The following LRFN2 variants were observed in gnomAD, a reference collection of about 807,000 sequenced individuals.
LRFN2 encodes the protein leucine rich repeat and fibronectin type III domain containing 2.
In LRFN2, 18 loss-of-function variants were observed where a neutral mutation model predicts 37.3. That is an observed-to-expected ratio of 0.48 (90% CI 0.33 to 0.72). The LOEUF is 0.72. Ranked by LOEUF, LRFN2 falls within the 30% of genes least tolerant of loss-of-function variation. The pLI is 0.02. For synonymous variants in LRFN2, 556 were observed against 466.6 expected (o/e 1.19, Z -2.47); for missense variants, 1,006 against 1,060.7 (o/e 0.95, Z 0.72).
intron 1 of LRFN2, among the ~76,000 whole-genome samples, chr6:40,481,330 G>C (rs1210587439): frequency 6.6e-6 from 1 of 151,618 alleles, no homozygotes; most frequent in Non-Finnish European, 1.5e-5. Flanking sequence ...AGCTACTCAG[G>C]AGGCTGAGGC....
intron 1 of LRFN2, among the ~76,000 whole-genome samples, chr6:40,562,689 T>A (rs931548665): frequency 6.6e-6 from 1 of 151,998 alleles, no homozygotes. Context: ...CACACACACA[T>A]ATTAATCAGC....
intron 1 of LRFN2, among the ~76,000 whole-genome samples, chr6:40,470,655 C>T (rs1056225776): frequency 6.6e-6 from 1 of 152,080 alleles, no homozygotes; most frequent in South Asian, 2.1e-4. Flanking sequence ...CAGAGGAATT[C>T]CCCGATGGAA....
At chr6:40,469,422 A>G (rs1331277173) in intron 1 of LRFN2, among the ~76,000 whole-genome samples, 1 of 152,184 alleles carries the variant, frequency 6.6e-6, no homozygotes, top group Non-Finnish European at 1.5e-5. Context: ...GAAACCTCCT[A>G]TCCTGGGCTA....
intron 1 of LRFN2, among the ~76,000 whole-genome samples, chr6:40,460,654 AG>A (rs1764327461): frequency 6.6e-6 from 1 of 152,126 alleles, no homozygotes; most frequent in Non-Finnish European, 1.5e-5. Flanking sequence ...TACAAGGGAG[AG>A]GGTGTATTTA....
intron 1 of LRFN2, among the ~76,000 whole-genome samples, chr6:40,574,210 G>A (rs1443156336): frequency 6.6e-6 from 1 of 152,218 alleles, no homozygotes; most frequent in Non-Finnish European, 1.5e-5. Flanking sequence ...CCATGTGCCA[G>A]GTGCTGTAGC....
At chr6:40,443,447 G>A (rs183683273) in intron 1 of LRFN2, among the ~76,000 whole-genome samples, 1 of 152,204 alleles carries the variant, frequency 6.6e-6, no homozygotes, top group African/African-American at 2.4e-5. Flanking sequence ...ATGAGATACG[G>A]ATCAGGACTT....
chr6:40,505,636 G>T (rs1765511824), intron 1 of LRFN2, among the ~76,000 whole-genome samples: 1 of 152,202 alleles, frequency 6.6e-6, no homozygotes, highest in Non-Finnish European at 1.5e-5. Flanking sequence ...CCTCATCGTG[G>T]GGTGGAGGCC....
chr6:40,432,816 C>T lies in LRFN2; in HGVS notation c.298G>A (p.Glu100Lys), dbSNP rs745960364. 5.0e-6 allele frequency: 8 copies of T among 1,614,060 alleles called. No homozygotes were observed. Among genetic ancestry groups the T allele is most frequent in the South Asian group, 1.1e-5 (1 of 91,084 alleles). The change falls in exon 2 of 3, where the codon GAG becomes AAG. Residue 100 changes from glutamate (E) to lysine (K), a missense_variant. Glu to Lys is a moderately conservative substitution (Grantham distance 56, BLOSUM62 1). Coordinates refer to ENST00000338305, the MANE Select transcript of LRFN2 (RefSeq NM_020737.3). ...TCAAGATGCAGGGAGCGGAGGCTCT[C>T]GAGGTCCAGAAAGGAAAAGGGCTGG... ...HIQPFSFLDL[E>K]SLRSLHLDSN...
intron 1 of LRFN2, among the ~76,000 whole-genome samples, chr6:40,497,942 G>A (rs371413962): frequency 5.9e-5 from 9 of 152,278 alleles, no homozygotes; most frequent in South Asian, 4.1e-4. Context: ...TTACTCTTGG[G>A]GAACAGCCCT....
At chr6:40,429,346 A>T (rs1763426703) in intron 2 of LRFN2, among the ~76,000 whole-genome samples, 3 of 152,244 alleles carry the variant, frequency 2.0e-5, no homozygotes, top group African/African-American at 7.2e-5. Flanking sequence ...GGCATCCAAC[A>T]TCTTCTCTCC....
At chr6:40,435,153 CAGAGAG>C (rs10583784) in intron 1 of LRFN2, among the ~76,000 whole-genome samples, 13,963 of 113,468 alleles carry the variant, frequency 0.12, 1,012 homozygotes, top group East Asian at 0.34. Flanking sequence ...TATATATATA[CAGAGAG>C]AGAGAGAGAG....
chr6:40,499,238 C>T (rs1243465025), intron 1 of LRFN2, among the ~76,000 whole-genome samples: 1 of 152,160 alleles, frequency 6.6e-6, no homozygotes, highest in Non-Finnish European at 1.5e-5. Flanking sequence ...GGACTGCCTG[C>T]ATCCTGGAGC....
chr6:40,572,066 T>A (rs1478055281), intron 1 of LRFN2, among the ~76,000 whole-genome samples: 1 of 152,138 alleles, frequency 6.6e-6, no homozygotes, highest in East Asian at 1.9e-4. Flanking sequence ...CCCGTTCTGC[T>A]CCCACGCTTT....
At chr6:40,481,115 CT>C (rs1764817034) in intron 1 of LRFN2, among the ~76,000 whole-genome samples, 1 of 152,126 alleles carries the variant, frequency 6.6e-6, no homozygotes, top group African/African-American at 2.4e-5. Flanking sequence ...TGTAAATCTT[CT>C]GGGGGCTTTA....
At chr6:40,532,319 G>T (rs2436741) in intron 1 of LRFN2, among the ~76,000 whole-genome samples, 4,453 of 152,226 alleles carry the variant, frequency 0.029, 236 homozygotes, top group African/African-American at 0.1. Context: ...TGGACCTAGT[G>T]GTCACACTCA....
chr6:40,504,115 T>G (rs1327221205), intron 1 of LRFN2, among the ~76,000 whole-genome samples: 1 of 152,106 alleles, frequency 6.6e-6, no homozygotes, highest in Admixed American at 6.5e-5. Context: ...GAAAGACCAA[T>G]GCAGACAGCA....
At chr6:40,487,814 C>A (rs1460581245) in intron 1 of LRFN2, among the ~76,000 whole-genome samples, 3 of 152,240 alleles carry the variant, frequency 2.0e-5, no homozygotes, top group Non-Finnish European at 4.4e-5. Flanking sequence ...CAGCTGTCTG[C>A]TGGAGGTATC....
chr6:40,443,716 G>C (rs147614937), intron 1 of LRFN2, among the ~76,000 whole-genome samples: 1 of 152,262 alleles, frequency 6.6e-6, no homozygotes, highest in Non-Finnish European at 1.5e-5. Flanking sequence ...GAGAATCCAA[G>C]CAGCAGCTGA....
intron 1 of LRFN2, among the ~76,000 whole-genome samples, chr6:40,467,985 T>C (rs1764509475): frequency 6.6e-6 from 1 of 152,118 alleles, no homozygotes; most frequent in Non-Finnish European, 1.5e-5. Flanking sequence ...TTTCCATATC[T>C]GACAGGACAT....
Sources: allele counts gnomAD v4.1 joint callset (sites outside exome capture counted in the v4.1 genomes callset), GRCh38; gene constraint gnomAD v4.1.1; transcripts MANE v1.5; gene names NCBI Gene and HGNC (gene_info 2026-07-23, HGNC 2026-07-21).